RANBP2: variants seen among roughly 807,000 people sequenced by gnomAD.
RANBP2 encodes the protein RAN binding protein 2.
Under a neutral mutation model 303.6 loss-of-function variants are expected in RANBP2, and 57 were observed. The observed-to-expected ratio is 0.19, with a 90% confidence interval of 0.15 to 0.23. RANBP2 has a LOEUF of 0.23. RANBP2 is among the 10% of genes least tolerant of loss of function. The probability of loss-of-function intolerance (pLI) is 1.00; values close to 1 mark genes in which losing one functional copy is unlikely to be tolerated. For missense variants in RANBP2, 3,138 were observed against 3,780.8 expected (o/e 0.83, Z 4.46); for synonymous variants, 1,167 against 1,301.5 (o/e 0.90, Z 2.23).
At chr2:109,547,375 T>TG in the RANBP2 span, among the ~76,000 whole-genome samples, 1 of 151,644 alleles carries the variant, frequency 6.6e-6, no homozygotes, top group Non-Finnish European at 1.5e-5. Context: ...ACTTGTTTTT[T>TG]TTTTTTTTTT....
At chr2:109,227,060 A>G in the RANBP2 span, among the ~76,000 whole-genome samples, 1 of 152,092 alleles carries the variant, frequency 6.6e-6, no homozygotes, top group East Asian at 1.9e-4. Context: ...CATAGGTGCA[A>G]GAGGGCTTTA....
chr2:109,695,289 C>A, the RANBP2 span, among the ~76,000 whole-genome samples: 1 of 152,014 alleles, frequency 6.6e-6, no homozygotes, highest in Admixed American at 6.6e-5. Context: ...GTGTTAATGT[C>A]TATTGACTTT....
the RANBP2 span, among the ~76,000 whole-genome samples, chr2:109,698,917 C>T: frequency 4.6e-5 from 7 of 152,098 alleles, no homozygotes; most frequent in Non-Finnish European, 1.0e-4. Flanking sequence ...AGTGAGACTC[C>T]GTCTCAAAAA....
chr2:109,246,956 G>A, the RANBP2 span, among the ~76,000 whole-genome samples: 1 of 152,220 alleles, frequency 6.6e-6, no homozygotes, highest in African/African-American at 2.4e-5. Flanking sequence ...GGCGTTCCCA[G>A]AGCATGAGGA....
the RANBP2 span, among the ~76,000 whole-genome samples, chr2:109,346,709 T>C: frequency 6.6e-6 from 1 of 152,102 alleles, no homozygotes; most frequent in Non-Finnish European, 1.5e-5. Context: ...AGGCTCCTTA[T>C]TGCTGACAAG....
At chr2:109,172,616 C>A in the RANBP2 span, among the ~76,000 whole-genome samples, 1 of 152,180 alleles carries the variant, frequency 6.6e-6, no homozygotes, top group Non-Finnish European at 1.5e-5. Context: ...TTTGAATCAG[C>A]AGCATCACCT....
At chr2:108,856,457 G>T in the RANBP2 span, among the ~76,000 whole-genome samples, 1 of 152,132 alleles carries the variant, frequency 6.6e-6, no homozygotes, top group African/African-American at 2.4e-5. Context: ...CTAAGTTTTT[G>T]GAAGCATGTA....
the RANBP2 span, among the ~76,000 whole-genome samples, chr2:109,194,372 C>T: frequency 6.6e-6 from 1 of 152,232 alleles, no homozygotes; most frequent in Non-Finnish European, 1.5e-5. Flanking sequence ...TGTCTGCTGC[C>T]ACCCCTGCTT....
chr2:109,175,246 G>A, the RANBP2 span, among the ~76,000 whole-genome samples: 2 of 152,132 alleles, frequency 1.3e-5, no homozygotes, highest in Non-Finnish European at 2.9e-5. Flanking sequence ...TGTTTTCCTT[G>A]CCTGGCACTT....
chr2:108,811,675 G>GT, the RANBP2 span, among the ~76,000 whole-genome samples: 1 of 152,042 alleles, frequency 6.6e-6, no homozygotes, highest in Non-Finnish European at 1.5e-5. Flanking sequence ...GATATATTGT[G>GT]TAACAGTGAG....
At chr2:109,435,307 A>C in the RANBP2 span, among the ~76,000 whole-genome samples, 1 of 152,154 alleles carries the variant, frequency 6.6e-6, no homozygotes, top group African/African-American at 2.4e-5. Context: ...TCCCCCTCCA[A>C]AGCTGTGCCC....
chr2:109,260,577 C>T, the RANBP2 span, among the ~76,000 whole-genome samples: 170 of 152,286 alleles, frequency 1.1e-3, 1 homozygote, highest in East Asian at 0.012. Context: ...AGAGGGCTCC[C>T]GATCTTGTAT....
At chr2:108,730,974 G>C in intron 3 of RANBP2, 89 bp downstream of exon 3, 2 of 1,457,764 alleles carry the variant, frequency 1.4e-6, no homozygotes, top group Non-Finnish European at 1.9e-6. Flanking sequence ...TATATTTTAT[G>C]AATATCATAA....
chr2:108,752,113 G>A, intron 12 of RANBP2, 119 bp downstream of exon 12: 1 of 1,562,618 alleles, frequency 6.4e-7, no homozygotes, highest in Admixed American at 2.0e-5. Context: ...TATGACAGAT[G>A]TGTTTTTTAT....
Position 108,764,700 on chromosome 2 carries a change from CCCA to C in RANBP2, c.4165_4167del (p.Pro1389del), listed in dbSNP as rs1256743915. The C allele has an allele frequency of 3.7e-6, 6 of 1,613,844 alleles. No homozygotes were observed. Among genetic ancestry groups the C allele is most frequent in the Non-Finnish European group, 5.1e-6 (6 of 1,179,964 alleles). ...ACCCAAGCAATAAAGAGCTCGTTGG[CCCA>C]CCATTAGCTGAAACTGTTTTTACTC... On this transcript the variant is annotated inframe_deletion, in exon 20 of 29. Transcript: ENST00000283195.
the RANBP2 span, among the ~76,000 whole-genome samples, chr2:109,091,521 T>C: frequency 2.6e-5 from 4 of 152,236 alleles, no homozygotes; most frequent in African/African-American, 9.6e-5. Flanking sequence ...TGCATTACTC[T>C]TTCTCTATTG....
chr2:109,719,384 G>C, the RANBP2 span, among the ~76,000 whole-genome samples: 2 of 146,782 alleles, frequency 1.4e-5, no homozygotes, highest in Admixed American at 6.9e-5. Context: ...ACAGGTGTGA[G>C]CCACCGCACC....
chr2:108,742,274 G>T (rs1696171056), intron 7 of RANBP2, among the ~76,000 whole-genome samples: 1 of 151,844 alleles, frequency 6.6e-6, no homozygotes, highest in South Asian at 2.1e-4. Context: ...GGGATTACAG[G>T]CAGTGAGCCA....
At chr2:109,170,987 A>C in the RANBP2 span, among the ~76,000 whole-genome samples, 133,800 of 152,204 alleles carry the variant, frequency 0.88, 59,093 homozygotes, top group African/African-American at 0.97. Flanking sequence ...GGCGCTCCCC[A>C]CAGGAACCAA....
Sources: allele counts gnomAD v4.1 joint callset (sites outside exome capture counted in the v4.1 genomes callset), GRCh38; gene constraint gnomAD v4.1.1; transcripts MANE v1.5; gene names NCBI Gene and HGNC (gene_info 2026-07-23, HGNC 2026-07-21).